The following FRK variants were observed in gnomAD, a reference collection of about 807,000 sequenced individuals.
FRK encodes fyn related Src family tyrosine kinase, also known as tyrosine-protein kinase FRK.
In FRK, 51 loss-of-function variants were observed where a neutral mutation model predicts 56.4. That is an observed-to-expected ratio of 0.90 (90% CI 0.72 to 1.14). The LOEUF is 1.14. FRK is among the 50% of genes most tolerant of loss of function. FRK has a pLI of 0.00. For synonymous variants in FRK, 245 were observed against 217.9 expected (o/e 1.12, Z -1.10); for missense variants, 570 against 601.4 (o/e 0.95, Z 0.55).
intron 5 of FRK, among the ~76,000 whole-genome samples, chr6:115,946,359 T>A (rs1025554263): frequency 6.6e-6 from 1 of 152,190 alleles, no homozygotes; most frequent in Non-Finnish European, 1.5e-5. Flanking sequence ...ACAATGATAA[T>A]AGTAACTACT....
intron 2 of FRK, among the ~76,000 whole-genome samples, chr6:115,987,385 T>A (rs1047093030): frequency 6.6e-6 from 1 of 152,056 alleles, no homozygotes; most frequent in Non-Finnish European, 1.5e-5. Context: ...ACTGCAATAC[T>A]CTTAATGGGA....
At chr6:115,951,921 C>A (rs1772769898) in intron 5 of FRK, among the ~76,000 whole-genome samples, 1 of 152,048 alleles carries the variant, frequency 6.6e-6, no homozygotes, top group Admixed American at 6.6e-5. Flanking sequence ...AATTATATTC[C>A]ATTACTCAAG....
chr6:116,095,929 G>C, the FRK span, among the ~76,000 whole-genome samples: 1 of 152,332 alleles, frequency 6.6e-6, no homozygotes, highest in African/African-American at 2.4e-5. Flanking sequence ...TCTGATATCA[G>C]ACAATGCCTT....
At chr6:116,085,748 G>A in the FRK span, among the ~76,000 whole-genome samples, 1 of 152,200 alleles carries the variant, frequency 6.6e-6, no homozygotes, top group East Asian at 1.9e-4. Flanking sequence ...CACAGAGAGA[G>A]AGGGAGAGAT....
chr6:116,046,739 C>T (rs1776978897), intron 1 of FRK, among the ~76,000 whole-genome samples: 1 of 151,966 alleles, frequency 6.6e-6, no homozygotes, highest in South Asian at 2.1e-4. Context: ...ATGAAACAAA[C>T]CTGCACATTC....
rs560726992 is a variant in FRK at position 115,950,477 on chromosome 6, T to C, written c.958+5975A>G. ...ACCAAAACCACAATGAGATAGCATG[T>C]CATGTCAGTTAGAATGGGATCATTA... On this transcript the variant is annotated intron_variant, in intron 5 of 7. Coordinates refer to ENST00000606080, the MANE Select transcript of FRK (RefSeq NM_002031.3). Among the ~76,000 whole-genome samples, 8 of 152,334 alleles carry C rather than the reference T, an allele frequency of 5.3e-5. No individual in the cohort carries two copies. In the South Asian group the frequency reaches 1.7e-3, roughly 32 times the overall value.
intron 5 of FRK, among the ~76,000 whole-genome samples, chr6:115,955,452 GTTAT>G (rs773948473): frequency 5.9e-5 from 9 of 152,126 alleles, no homozygotes; most frequent in Non-Finnish European, 8.8e-5. Flanking sequence ...GGCAAAAGGG[GTTAT>G]TTAATAGCTG....
At chr6:116,053,015 A>G (rs763319778) in intron 1 of FRK, among the ~76,000 whole-genome samples, 4 of 152,150 alleles carry the variant, frequency 2.6e-5, no homozygotes, top group African/African-American at 4.8e-5. Context: ...TGTCACTGTG[A>G]TTCCTATTTA....
intron 1 of FRK, among the ~76,000 whole-genome samples, chr6:116,019,897 T>C (rs1775801194): frequency 6.6e-6 from 1 of 152,222 alleles, no homozygotes; most frequent in Non-Finnish European, 1.5e-5. Context: ...TATCTGTTTA[T>C]GAAGTTAAAC....
At chr6:116,092,617 A>G in the FRK span, among the ~76,000 whole-genome samples, 132 of 152,248 alleles carry the variant, frequency 8.7e-4, no homozygotes, top group African/African-American at 3.0e-3. Context: ...TAGGAGGAAA[A>G]CTAGTGTTTC....
chr6:115,966,702 C>A (rs1008559191), intron 4 of FRK, among the ~76,000 whole-genome samples: 3 of 152,142 alleles, frequency 2.0e-5, no homozygotes, highest in Non-Finnish European at 4.4e-5. Context: ...GCTACTATAG[C>A]AATGTTGCAC....
the FRK span, among the ~76,000 whole-genome samples, chr6:116,085,264 C>T: frequency 1.3e-5 from 2 of 152,060 alleles, no homozygotes; most frequent in African/African-American, 2.4e-5. Flanking sequence ...TGGTACATAC[C>T]GCATACATAT....
chr6:115,970,314 T>C (rs978635525), intron 2 of FRK, among the ~76,000 whole-genome samples: 5 of 152,202 alleles, frequency 3.3e-5, no homozygotes, highest in African/African-American at 9.7e-5. Flanking sequence ...TGTCATACAG[T>C]AATTCCACTC....
the FRK span, among the ~76,000 whole-genome samples, chr6:116,093,512 A>G: frequency 1.2e-3 from 178 of 152,336 alleles, no homozygotes; most frequent in African/African-American, 4.0e-3. Context: ...CTTTAGCTGC[A>G]GTCCGAGAGT....
At chr6:115,992,898 C>G (rs1774672767) in intron 2 of FRK, among the ~76,000 whole-genome samples, 1 of 151,664 alleles carries the variant, frequency 6.6e-6, no homozygotes, top group East Asian at 1.9e-4. Context: ...GAATGAGATA[C>G]AATACCAAAG....
At position 115,981,008 on chromosome 6, in the gene FRK, A is replaced by T. The variant is rs185103089; in HGVS notation, c.467-12269T>A. ...TATTATGTTTCAGCATTATATGCTG[A>T]CTTAAAACCTTTTGGAGATATATGG... On this transcript the variant is annotated intron_variant, in intron 2 of 7. Coordinates refer to ENST00000606080, the MANE Select transcript of FRK (RefSeq NM_002031.3). Among the ~76,000 whole-genome samples, 364 of 152,168 alleles carry T rather than the reference A, an allele frequency of 2.4e-3. 1 individual carries two copies. Among genetic ancestry groups the T allele is most frequent in the Non-Finnish European group, 4.1e-3 (276 of 67,966 alleles).
the FRK span, among the ~76,000 whole-genome samples, chr6:116,081,329 C>T: frequency 6.6e-6 from 1 of 152,088 alleles, no homozygotes; most frequent in Non-Finnish European, 1.5e-5. Context: ...TTATGATATA[C>T]ATTCTGTTTG....
chr6:116,072,028 T>A, the FRK span, among the ~76,000 whole-genome samples: 1 of 152,186 alleles, frequency 6.6e-6, no homozygotes, highest in African/African-American at 2.4e-5. Context: ...GTTGAGGATG[T>A]AGTCATGAAA....
chr6:115,958,752 AAAGAAAGAAAGAAAGAG>A (rs1773186051), intron 4 of FRK, among the ~76,000 whole-genome samples: 2 of 39,584 alleles, frequency 5.1e-5, no homozygotes, highest in African/African-American at 1.6e-4. Context: ...AGAAAGAAAG[AAAGAAAGAAAGAAAGAG>A]GGGGGGGAAG....
Sources: gnomAD v4.1 joint callset for allele counts (sites outside exome capture counted in the v4.1 genomes callset) on GRCh38, gnomAD v4.1.1 for gene constraint, MANE v1.5 for transcripts, NCBI Gene and HGNC (gene_info 2026-07-23, HGNC 2026-07-21) for gene names.